The following CADPS variants were observed in gnomAD, a reference collection of about 807,000 sequenced individuals.
CADPS encodes the protein calcium dependent secretion activator, also known as calcium-dependent secretion activator 1.
Under a neutral mutation model 167.3 loss-of-function variants are expected in CADPS, and 57 were observed. That is an observed-to-expected ratio of 0.34 (90% CI 0.28 to 0.42). The LOEUF (loss-of-function observed/expected upper bound fraction) is 0.42, where lower values mean the gene tolerates loss of function less well. CADPS is among the 20% of genes least tolerant of loss of function. The probability of loss-of-function intolerance (pLI) is 1.00; values close to 1 mark genes in which losing one functional copy is unlikely to be tolerated. For missense variants in CADPS, 1,414 were observed against 1,738.1 expected, an observed-to-expected ratio of 0.81 and a Z score of 3.32; for synonymous variants, 676 against 635.3, an observed-to-expected ratio of 1.06 and a Z score of -0.96.
At chr3:62,423,523 A>G (rs1208037703) in intron 28 of CADPS, among the ~76,000 whole-genome samples, 3 of 152,244 alleles carry the variant, frequency 2.0e-5, no homozygotes, top group Admixed American at 2.0e-4. Flanking sequence ...ACATATTTGA[A>G]TAGTGTAAAG....
chr3:62,498,131 G>A, intron 18 of CADPS: 1 of 456,486 alleles, frequency 2.2e-6, no homozygotes, highest in South Asian at 1.5e-5. Context: ...TGGTTCATTC[G>A]GTTTAGTCAC....
intron 3 of CADPS, among the ~76,000 whole-genome samples, chr3:62,744,590 CAT>C (rs1255903587): frequency 4.6e-5 from 7 of 152,152 alleles, no homozygotes; most frequent in African/African-American, 1.7e-4. Flanking sequence ...GATGGCTTAT[CAT>C]AGATTTTGTT....
intron 8 of CADPS, among the ~76,000 whole-genome samples, chr3:62,578,187 CT>C (rs34788967): frequency 0.18 from 25,728 of 142,516 alleles, 3,305 homozygotes; most frequent in African/African-American, 0.37. Flanking sequence ...CATGCTAACA[CT>C]TTTTTTTTTT....
At chr3:62,720,332 TG>T (rs2075516399) in intron 3 of CADPS, among the ~76,000 whole-genome samples, 5 of 142,498 alleles carry the variant, frequency 3.5e-5, no homozygotes, top group Non-Finnish European at 6.0e-5. Context: ...TTTGTTTGTT[TG>T]TTTGTTTGTT....
chr3:62,463,383 A>G (rs1057414861), intron 26 of CADPS, among the ~76,000 whole-genome samples: 2 of 152,200 alleles, frequency 1.3e-5, no homozygotes, highest in Non-Finnish European at 2.9e-5. Context: ...AAAGAAAGCA[A>G]TGTCTTCTAC....
At chr3:62,565,786 C>T (rs1323991878) in intron 9 of CADPS, among the ~76,000 whole-genome samples, 2 of 152,116 alleles carry the variant, frequency 1.3e-5, no homozygotes, top group Admixed American at 1.3e-4. Context: ...CTGAGTATAT[C>T]CTTTATCCCT....
chr3:62,526,415 A>G (rs1474900598), intron 13 of CADPS, among the ~76,000 whole-genome samples: 1 of 152,212 alleles, frequency 6.6e-6, no homozygotes, highest in Non-Finnish European at 1.5e-5. Context: ...ACTGGCATTC[A>G]AGAAATGTTA....
In CADPS at chr3:62,602,268, C is replaced by T. The variant is rs1362285103; in HGVS notation, c.1326-9520G>A. 1.4e-5 allele frequency among the ~76,000 whole-genome samples: 1 copy of T among 70,150 alleles called. No individual in the cohort carries two copies. The highest frequency in any genetic ancestry group is 2.9e-5 in the Non-Finnish European group (1 of 34,782). The allele number at this position is 70,150 out of a possible 152,430, so 46.0% of individuals were successfully genotyped here. On this transcript the variant is annotated intron_variant, in intron 6 of 29. Coordinates refer to ENST00000383710, the MANE Select transcript of CADPS (RefSeq NM_003716.4). The surrounding 1 kb of genome is among the most constrained non-coding windows in gnomAD (Gnocchi z 4.4). ...ATTTTGTGCAGGTTGGTGCTGGGGTCGGGGGTGGGGGGATGTCATTAGTTG... is the reference window on the plus strand; with the variant it reads ...ATTTTGTGCAGGTTGGTGCTGGGGTTGGGGGTGGGGGGATGTCATTAGTTG...
chr3:62,699,725 C>T (rs1481484394), intron 3 of CADPS, among the ~76,000 whole-genome samples: 3 of 152,028 alleles, frequency 2.0e-5, no homozygotes, highest in Admixed American at 6.6e-5. Flanking sequence ...TCTGCCACCA[C>T]ACCCGGCTAA....
chr3:62,733,807 G>A (rs1028343648), intron 3 of CADPS, among the ~76,000 whole-genome samples: 10 of 151,994 alleles, frequency 6.6e-5, no homozygotes, highest in Admixed American at 2.0e-4. Context: ...CAGTATACGC[G>A]ATACCCAATA....
At chr3:62,757,202 T>C (rs910994645) in intron 2 of CADPS, among the ~76,000 whole-genome samples, 4 of 152,142 alleles carry the variant, frequency 2.6e-5, no homozygotes, top group African/African-American at 9.7e-5. Context: ...AATGAAGCTA[T>C]ATTCTCCTCT....
chr3:62,618,489 C>G (rs1271731398), intron 6 of CADPS, among the ~76,000 whole-genome samples: 1 of 152,108 alleles, frequency 6.6e-6, no homozygotes, highest in African/African-American at 2.4e-5. Flanking sequence ...CACATGTTCC[C>G]TTTATAATAA....
At chr3:62,453,416 A>G (rs1267420925) in intron 26 of CADPS, among the ~76,000 whole-genome samples, 1 of 152,212 alleles carries the variant, frequency 6.6e-6, no homozygotes, top group African/African-American at 2.4e-5. Context: ...GGAAGAATAT[A>G]TCTTTCTCAG....
intron 9 of CADPS, among the ~76,000 whole-genome samples, chr3:62,561,981 A>G (rs1416401731): frequency 1.3e-5 from 2 of 152,240 alleles, no homozygotes; most frequent in Non-Finnish European, 2.9e-5. Context: ...GACTATAAAC[A>G]TGCAAAAAAC....
At chr3:62,593,697 G>A (rs78825011) in intron 6 of CADPS, among the ~76,000 whole-genome samples, 3,880 of 152,268 alleles carry the variant, frequency 0.025, 64 homozygotes, top group Non-Finnish European at 0.034. Context: ...TGTTGGCAAT[G>A]TTTCTCCCCA....
At chr3:62,470,553 C>T (rs145580640) in intron 24 of CADPS, 13 of 152,350 alleles carry the variant, frequency 8.5e-5, no homozygotes, top group African/African-American at 2.2e-4. Flanking sequence ...ATTAAGGTTA[C>T]AGCCACTGTG....
At chr3:62,721,599 T>C (rs191654123) in intron 3 of CADPS, among the ~76,000 whole-genome samples, 6 of 152,232 alleles carry the variant, frequency 3.9e-5, no homozygotes, top group African/African-American at 1.4e-4. Flanking sequence ...CTTTACAACA[T>C]TGTCAGTATC....
chr3:62,475,574 C>T (rs1190560513), intron 23 of CADPS, among the ~76,000 whole-genome samples: 1 of 94,200 alleles, frequency 1.1e-5, no homozygotes, highest in African/African-American at 4.2e-5. Flanking sequence ...GTTGGGAGCC[C>T]AGTTCTTAAG....
In CADPS at chr3:62,399,631, G is replaced by T; in HGVS notation, c.3883-46C>A. 6.6e-7 allele frequency: 1 copy of T among 1,522,372 alleles called. No homozygotes were observed. Among genetic ancestry groups the T allele is most frequent in the South Asian group, 1.1e-5 (1 of 87,704 alleles). 94.3% of individuals were successfully genotyped at this position (1,522,372 alleles called of 1,614,324 possible). A position where few individuals can be genotyped will look rare whatever the true frequency, so the allele number is the denominator to read the frequency against. ...GTGATAAGAGAGATCTCATCTCCAT[G>T]ATGGGGAGGGAGAAGGTAAAAGCAG... On this transcript the variant is annotated intron_variant, in intron 29 of 29. Coordinates refer to ENST00000383710, the MANE Select transcript of CADPS (RefSeq NM_003716.4). This position sits in a 1 kb window ranked among gnomAD's most constrained non-coding sequence, Gnocchi z 5.6.
Sources: allele counts gnomAD v4.1 joint callset (sites outside exome capture counted in the v4.1 genomes callset), GRCh38; gene constraint gnomAD v4.1.1; non-coding constraint Gnocchi (gnomAD v3.1); transcripts MANE v1.5; gene names NCBI Gene and HGNC (gene_info 2026-07-23, HGNC 2026-07-21).